The following FRMPD4 variants were observed in gnomAD, a reference collection of about 807,000 sequenced individuals.
FRMPD4 encodes the protein FERM and PDZ domain containing 4.
Under a neutral mutation model 94.1 loss-of-function variants are expected in FRMPD4, and 22 were observed. The observed-to-expected ratio is 0.23, with a 90% confidence interval of 0.17 to 0.33. The LOEUF (loss-of-function observed/expected upper bound fraction) is 0.33, where lower values mean the gene tolerates loss of function less well. Among genes scored for constraint, FRMPD4 ranks in the 10% least tolerant of loss-of-function variants. FRMPD4 has a pLI of 1.00. For missense variants in FRMPD4, 1,111 were observed against 1,339.9 expected (o/e 0.83, Z 2.67); for synonymous variants, 631 against 548.6 (o/e 1.15, Z -2.10).
intron 1 of FRMPD4, among the ~76,000 whole-genome samples, chrX:12,317,577 C>G (rs1440913875): frequency 7.3e-5 from 4 of 54,713 alleles, no homozygotes; most frequent in Admixed American, 3.7e-4. Context: ...AGTCAAACAA[C>G]TAAATAGCAA....
chrX:12,633,501 C>A (rs2059415687), intron 4 of FRMPD4, among the ~76,000 whole-genome samples: 1 of 111,555 alleles, frequency 9.0e-6, no homozygotes, highest in Admixed American at 9.5e-5. Context: ...ATGACCTGGG[C>A]GAGGGGGAAA....
At chrX:12,456,796 T>G (rs764197431) in intron 1 of FRMPD4, among the ~76,000 whole-genome samples, 1 of 112,975 alleles carries the variant, frequency 8.9e-6, no homozygotes, top group Admixed American at 9.3e-5. Context: ...CACAGTATGT[T>G]TAATTTATGC....
intron 1 of FRMPD4, among the ~76,000 whole-genome samples, chrX:12,457,145 C>A (rs2057342028): frequency 1.8e-5 from 2 of 112,269 alleles, no homozygotes; most frequent in African/African-American, 6.5e-5. Flanking sequence ...GGTTTTGCAG[C>A]TGGTTTTTGA....
At chrX:12,125,477 C>T (rs708465) in intron 3 of FRMPD4, among the ~76,000 whole-genome samples, 11,041 of 111,313 alleles carry the variant, frequency 0.099, 479 homozygotes, top group African/African-American at 0.15. Context: ...ATCTTGACAG[C>T]CATCCTCTGA....
At chrX:12,090,577 C>T (rs996604812) in intron 3 of FRMPD4, among the ~76,000 whole-genome samples, 2 of 110,688 alleles carry the variant, frequency 1.8e-5, no homozygotes, top group African/African-American at 3.3e-5. Flanking sequence ...CAGTGAGGCT[C>T]CTGGGCTAGT....
chrX:11,972,582 A>G (rs1158409457), intron 3 of FRMPD4, among the ~76,000 whole-genome samples: 2 of 112,358 alleles, frequency 1.8e-5, no homozygotes, highest in East Asian at 2.8e-4. Context: ...CAGATGCCTG[A>G]GTTCAAATCC....
chrX:12,408,212 A>G (rs745808545), intron 1 of FRMPD4, among the ~76,000 whole-genome samples: 34 of 105,969 alleles, frequency 3.2e-4, no homozygotes, highest in Non-Finnish European at 5.6e-4. Context: ...TAATAACATC[A>G]AGGTTGTTTG....
chrX:12,031,525 C>T (rs1005101960), intron 3 of FRMPD4, among the ~76,000 whole-genome samples: 9 of 111,248 alleles, frequency 8.1e-5, no homozygotes, highest in African/African-American at 2.9e-4. Context: ...GATTCTCAAC[C>T]AGGGATGAAT....
chrX:12,722,312 AT>A lies in FRMPD4; in HGVS notation c.*459del, dbSNP rs1873860042. 8.9e-6 allele frequency: 1 copy of A among 112,422 alleles called. No homozygotes were observed. The allele number at this position is 112,422 out of a possible 1,213,427, so 9.3% of individuals were successfully genotyped here. A position where few individuals can be genotyped will look rare whatever the true frequency, so the allele number is the denominator to read the frequency against. On this transcript the variant is annotated 3_prime_UTR_variant, in exon 17 of 17. Coordinates refer to ENST00000675598, the MANE Select transcript of FRMPD4 (RefSeq NM_001368397.1). ...ACAGTACTTATGTTTTAAAATTATG[AT>A]TTTTAAGCATTGGAAATAGCAAAAA... is the stretch of plus-strand genomic sequence containing the variant.
At chrX:12,299,461 C>T (rs921396367) in intron 1 of FRMPD4, among the ~76,000 whole-genome samples, 1 of 110,401 alleles carries the variant, frequency 9.1e-6, no homozygotes, top group Non-Finnish European at 1.9e-5. Context: ...ATAAGAATTT[C>T]TCATCTTAAA....
chrX:12,713,481 G>GGAGAGA (rs9331478), intron 14 of FRMPD4, among the ~76,000 whole-genome samples: 13 of 105,215 alleles, frequency 1.2e-4, no homozygotes, highest in African/African-American at 4.2e-4. Flanking sequence ...GGAGGTAGGT[G>GGAGAGA]GAGAGAGAGA....
chrX:12,287,626 T>C (rs1459473308), intron 1 of FRMPD4, among the ~76,000 whole-genome samples: 1 of 111,761 alleles, frequency 8.9e-6, no homozygotes, highest in East Asian at 2.8e-4. Context: ...GTTATTGAGT[T>C]GAGACCAAGA....
chrX:12,472,657 G>A (rs1019382254), intron 1 of FRMPD4, among the ~76,000 whole-genome samples: 3 of 112,239 alleles, frequency 2.7e-5, no homozygotes, highest in African/African-American at 9.7e-5. Flanking sequence ...CAAGGACTAC[G>A]TGACGAATGC....
intron 3 of FRMPD4, among the ~76,000 whole-genome samples, chrX:12,117,689 C>A (rs1050010849): frequency 8.9e-6 from 1 of 112,133 alleles, no homozygotes; most frequent in Non-Finnish European, 1.9e-5. Context: ...CATGGTCCAG[C>A]GTGTTCCCTC....
intron 1 of FRMPD4, among the ~76,000 whole-genome samples, chrX:12,316,269 C>T (rs1397945650): frequency 1.8e-5 from 2 of 111,134 alleles, no homozygotes; most frequent in Admixed American, 1.9e-4. Context: ...GCCTCAGCCT[C>T]CCGAGTAGCT....
intron 3 of FRMPD4, among the ~76,000 whole-genome samples, chrX:12,043,332 A>G (rs150139520): frequency 0.011 from 1,244 of 111,945 alleles, 13 homozygotes; most frequent in African/African-American, 0.038. Context: ...TATAAATCAA[A>G]CAATAAGATA....
rs191423160 is a variant in FRMPD4 at position 12,183,606 on chromosome X, C to T, written c.41+44594C>T. On this transcript the variant is annotated intron_variant, in intron 1 of 16. Transcript: ENST00000675598. Reference sequence around the variant, plus strand: ...ATAATTACACCAAAGAATTTCCCTACCCCACAAACATGGATTTTGTCAGTT... The same window carrying T: ...ATAATTACACCAAAGAATTTCCCTATCCCACAAACATGGATTTTGTCAGTT... 1.1e-4 allele frequency among the ~76,000 whole-genome samples: 12 copies of T among 111,668 alleles called. No homozygotes were observed. The East Asian group carries it at 2.8e-3, about 26-fold the overall frequency.
chrX:12,376,360 C>G (rs1207160730), intron 1 of FRMPD4, among the ~76,000 whole-genome samples: 2 of 112,308 alleles, frequency 1.8e-5, no homozygotes, highest in Non-Finnish European at 3.8e-5. Context: ...ATCATTGGTG[C>G]TAACATATGC....
intron 4 of FRMPD4, among the ~76,000 whole-genome samples, chrX:12,663,148 A>G (rs929082058): frequency 8.9e-6 from 1 of 111,965 alleles, no homozygotes; most frequent in African/African-American, 3.2e-5. Flanking sequence ...TCCACTATGT[A>G]GGTTGCCTGT....
Sources: allele counts gnomAD v4.1 joint callset (sites outside exome capture counted in the v4.1 genomes callset), GRCh38; gene constraint gnomAD v4.1.1; transcripts MANE v1.5; gene names NCBI Gene and HGNC (gene_info 2026-07-23, HGNC 2026-07-21).